CTXN2: variants seen among roughly 807,000 people sequenced by gnomAD.
CTXN2 encodes cortexin-2.
A neutral mutation model predicts 5.7 loss-of-function variants in CTXN2; 3 were observed. The ratio of observed to expected loss-of-function variants is 0.53; its 90% CI spans 0.24 to 1.36. The LOEUF is 1.36. Among genes scored for constraint, CTXN2 ranks in the 40% most tolerant of loss-of-function variants. The pLI, the probability that CTXN2 is intolerant of heterozygous loss-of-function variation, is 0.17. For synonymous variants in CTXN2, 38 were observed against 36.4 expected (o/e 1.04, Z -0.16); for missense variants, 87 against 93.0 (o/e 0.94, Z 0.26).
At chr15:48,200,027 T>C (rs766991864) in intron 1 of CTXN2, among the ~76,000 whole-genome samples, 1 of 152,172 alleles carries the variant, frequency 6.6e-6, no homozygotes, top group Non-Finnish European at 1.5e-5. Context: ...CAGAATAACT[T>C]TGAAAGCTAC....
At position 48,201,564 on chromosome 15, in the gene CTXN2, T is replaced by A. The variant is rs1190139714; in HGVS notation, c.*18T>A. On this transcript the variant is annotated 3_prime_UTR_variant, in exon 2 of 2. Transcript: ENST00000417307. ...TCGCGTGAGAGTTCCAGCTATATGG[T>A]TTTTATGGTTGTGCCATCGGGACAC... The A allele has an allele frequency of 6.5e-7, 1 of 1,548,994 alleles. No individual in the cohort carries two copies. Among genetic ancestry groups the A allele is most frequent in the Non-Finnish European group, 8.7e-7 (1 of 1,145,168 alleles).
upstream of CTXN2, chr15:48,189,392 T>C (rs2040791494): frequency 1.3e-5 from 2 of 152,216 alleles, no homozygotes; most frequent in Non-Finnish European, 1.5e-5. Context: ...CATGGAGCCA[T>C]ATTTCAAGTC....
upstream of CTXN2, among the ~76,000 whole-genome samples, chr15:48,187,839 A>G (rs2040773325): frequency 1.3e-5 from 2 of 152,218 alleles, no homozygotes; most frequent in African/African-American, 4.8e-5. Flanking sequence ...TCTTAGTCAT[A>G]TAAGGGACAC....
intron 1 of CTXN2, among the ~76,000 whole-genome samples, chr15:48,181,549 A>T (rs1414954580): frequency 1.3e-5 from 2 of 152,194 alleles, no homozygotes; most frequent in African/African-American, 4.8e-5. Context: ...GGATGTCATC[A>T]TTCTTCTTTT....
At chr15:48,194,915 A>C (rs1444939222) in intron 1 of CTXN2, among the ~76,000 whole-genome samples, 1 of 152,162 alleles carries the variant, frequency 6.6e-6, no homozygotes, top group Non-Finnish European at 1.5e-5. Context: ...TTGATCTGCA[A>C]ATATTTCTAT....
At chr15:48,195,933 C>G (rs185565834) in intron 1 of CTXN2, among the ~76,000 whole-genome samples, 2 of 152,082 alleles carry the variant, frequency 1.3e-5, no homozygotes, top group Admixed American at 1.3e-4. Context: ...GCTCTTCTCC[C>G]TTACTAGTTG....
chr15:48,195,013 T>G (rs530548570), intron 1 of CTXN2, among the ~76,000 whole-genome samples: 12 of 152,300 alleles, frequency 7.9e-5, no homozygotes, highest in African/African-American at 1.4e-4. Context: ...CATCAAAAAT[T>G]TTATGCTAGA....
chr15:48,183,095 C>A (rs1342519175), intron 1 of CTXN2, among the ~76,000 whole-genome samples: 1 of 152,140 alleles, frequency 6.6e-6, no homozygotes, highest in East Asian at 1.9e-4. Flanking sequence ...CTATTAGCAA[C>A]AGAGTTTGAT....
At chr15:48,199,952 G>A (rs1440847921) in intron 1 of CTXN2, among the ~76,000 whole-genome samples, 1 of 152,118 alleles carries the variant, frequency 6.6e-6, no homozygotes, top group Non-Finnish European at 1.5e-5. Context: ...TGAGGATAGA[G>A]CTTTTTTGTA....
At chr15:48,201,191 C>T in intron 1 of CTXN2, 53 bp from the exon 2 acceptor site, 1 of 1,092,056 alleles carries the variant, frequency 9.2e-7, no homozygotes, top group Non-Finnish European at 1.3e-6. Context: ...AAGCAACAAC[C>T]TACCCAATAC....
chr15:48,186,877 T>C (rs1210794961), upstream of CTXN2, among the ~76,000 whole-genome samples: 1 of 134,368 alleles, frequency 7.4e-6, no homozygotes, highest in African/African-American at 2.9e-5. Context: ...GCCACTGCAC[T>C]CCAGCCTGGG....
chr15:48,185,084 T>C (rs1048111398), intron 1 of CTXN2, among the ~76,000 whole-genome samples: 18 of 152,136 alleles, frequency 1.2e-4, no homozygotes. Context: ...ATACATACAT[T>C]CTGGAAAAGA....
At position 48,201,271 on chromosome 15, in the gene CTXN2, T is replaced by G; in HGVS notation, c.-30T>G. On this transcript the variant is annotated 5_prime_UTR_variant, in exon 2 of 2. Coordinates refer to ENST00000417307, the MANE Select transcript of CTXN2 (RefSeq NM_001145668.2). ...AAAGAGTTGATTCCAGAAGGAACTG[T>G]GAAGAGCCACAACAATGTGCCAGTG... is the stretch of plus-strand genomic sequence containing the variant. 1 of 1,549,144 alleles carries G rather than the reference T, an allele frequency of 6.5e-7. No homozygotes were observed. The highest frequency in any genetic ancestry group is 1.2e-5 in the South Asian group (1 of 83,956).
intron 1 of CTXN2, among the ~76,000 whole-genome samples, chr15:48,198,135 T>C (rs1239383138): frequency 1.3e-5 from 2 of 152,126 alleles, no homozygotes; most frequent in Non-Finnish European, 2.9e-5. Context: ...TTTCTCCACA[T>C]TTGAATACTA....
intron 1 of CTXN2, chr15:48,178,713 T>G (rs2040652473): frequency 1.3e-5 from 2 of 155,008 alleles, no homozygotes; most frequent in Non-Finnish European, 1.4e-5. Flanking sequence ...TCAGACTGCC[T>G]TTAGAAATCC....
At chr15:48,193,597 G>A (rs575547649) in intron 1 of CTXN2, among the ~76,000 whole-genome samples, 1 of 151,920 alleles carries the variant, frequency 6.6e-6, no homozygotes, top group African/African-American at 2.4e-5. Context: ...CTGGAGCTAG[G>A]CATTACAGTG....
chr15:48,180,299 G>T (rs947682166), intron 1 of CTXN2, among the ~76,000 whole-genome samples: 4 of 152,172 alleles, frequency 2.6e-5, no homozygotes, highest in South Asian at 2.1e-4. Context: ...CCTTATAAAA[G>T]AGCTGGATCT....
chr15:48,180,531 A>G (rs1159817723), intron 1 of CTXN2, among the ~76,000 whole-genome samples: 1 of 151,962 alleles, frequency 6.6e-6, no homozygotes, highest in Admixed American at 6.6e-5. Context: ...GTCTTTTTTG[A>G]GATGGAGTCT....
At chr15:48,190,991 A>T, upstream of CTXN2, 1 of 152,318 alleles carries the variant, frequency 6.6e-6, no homozygotes, top group East Asian at 1.9e-4. Context: ...GTTGTCTTCT[A>T]GCTTGTGTTG....
Sources: allele counts gnomAD v4.1 joint callset (sites outside exome capture counted in the v4.1 genomes callset), GRCh38; gene constraint gnomAD v4.1.1; transcripts MANE v1.5; gene names NCBI Gene and HGNC (gene_info 2026-07-23, HGNC 2026-07-21).